ACO2: variants seen among roughly 807,000 people sequenced by gnomAD.
ACO2 encodes the protein aconitate hydratase, mitochondrial.
In ACO2, 31 loss-of-function variants were observed where a neutral mutation model predicts 84.5. The observed-to-expected ratio is 0.37, with a 90% CI of 0.28 to 0.50. The LOEUF (loss-of-function observed/expected upper bound fraction) is 0.50, where lower values mean the gene tolerates loss of function less well. Among genes scored for constraint, ACO2 ranks in the 20% least tolerant of loss-of-function variants. The pLI is 0.97. For synonymous variants in ACO2, 414 were observed against 412.7 expected (o/e 1.00, Z -0.04); for missense variants, 685 against 1,029.3 (o/e 0.67, Z 4.58).
Position 41,499,809 on chromosome 22 carries a change from C to G in ACO2, c.120C>G (p.Asn40Lys), listed in dbSNP as rs138241206. ...AKVAMSHFEP[N>K]EYIHYDLLEK... ...TGGCGATGAGCCACTTTGAGCCCAA[C>G]GAGTACATCCATTATGACCTGCTAG... The change falls in exon 2 of 18, where the codon AAC (asparagine) becomes AAG (lysine). Residue 40 changes from asparagine (N) to lysine (K), a missense_variant. By Grantham distance (94) the Asn-to-Lys change is moderately conservative (BLOSUM62 0). Transcript: ENST00000216254. 6.2e-7 allele frequency: 1 copy of G among 1,614,144 alleles called. No homozygotes were observed. Among genetic ancestry groups the G allele is most frequent in the South Asian group, 1.1e-5 (1 of 91,084 alleles).
intron 1 of ACO2, among the ~76,000 whole-genome samples, chr22:41,473,664 T>C (rs2037972580): frequency 6.6e-6 from 1 of 152,056 alleles, no homozygotes; most frequent in South Asian, 2.1e-4. Context: ...GTGGGGAAGA[T>C]AAGGTAGAGA....
intron 1 of ACO2, among the ~76,000 whole-genome samples, chr22:41,493,339 C>T (rs892229281): frequency 6.6e-6 from 1 of 151,954 alleles, no homozygotes; most frequent in Admixed American, 6.6e-5. Context: ...ATTTCTTGCC[C>T]ATGTGTAGAG....
intron 1 of ACO2, among the ~76,000 whole-genome samples, chr22:41,476,747 C>T (rs1282845055): frequency 6.6e-6 from 1 of 151,936 alleles, no homozygotes; most frequent in African/African-American, 2.4e-5. Flanking sequence ...AAAACACACA[C>T]ACTGCAAATA....
chr22:41,474,939 T>C (rs1322556454), intron 1 of ACO2, among the ~76,000 whole-genome samples: 1 of 151,976 alleles, frequency 6.6e-6, no homozygotes, highest in Admixed American at 6.6e-5. Context: ...CAGAATCTCA[T>C]TGATAAATTT....
In ACO2 at chr22:41,527,933, C is replaced by G; in HGVS notation, c.2119C>G (p.Leu707Val). ...CCTGAAGAAACAGGGCCTGCTGCCTCTGACCTTCGCTGACCCGGCTGACTA... is the reference window on the plus strand; with the variant it reads ...CCTGAAGAAACAGGGCCTGCTGCCTGTGACCTTCGCTGACCCGGCTGACTA... ...TNLKKQGLLP[L>V]TFADPADYNK... The change falls in exon 17 of 18, where the codon CTG becomes GTG. Residue 707 changes from leucine (L) to valine (V), a missense_variant. Around this residue, in one of 5 missense-constraint regions of ACO2, gnomAD observed 174 missense variants for 236.6 expected, o/e 0.74. Transcript: ENST00000216254. The G allele has an allele frequency of 6.2e-7, 1 of 1,614,226 alleles. No homozygotes were observed. Among genetic ancestry groups the G allele is most frequent in the Non-Finnish European group, 8.5e-7 (1 of 1,180,042 alleles).
Position 41,525,179 on chromosome 22 carries a change from A to C in ACO2, c.1606-14A>C, listed in dbSNP as rs748598283. 1 of 1,612,968 alleles carries C rather than the reference A, an allele frequency of 6.2e-7. No individual in the cohort carries two copies. The highest frequency in any genetic ancestry group is 1.1e-5 in the South Asian group (1 of 91,038). On this transcript the variant is annotated splice_polypyrimidine_tract_variant and intron_variant, in intron 13 of 17. Transcript: ENST00000216254. ...AGGACTCAGCACCCCACGCATCCCC[A>C]TTCCCTGCTGCAGGAGTTTGACCCA...
chr22:41,492,725 A>G (rs1279247102), intron 1 of ACO2, among the ~76,000 whole-genome samples: 1 of 152,134 alleles, frequency 6.6e-6, no homozygotes, highest in Non-Finnish European at 1.5e-5. Flanking sequence ...GTGAGCCGAG[A>G]TCACGCCATT....
rs368909394 is a variant in ACO2, at chr22:41,524,835, C to T, written c.1483-11C>T. On this transcript the variant is annotated splice_polypyrimidine_tract_variant and intron_variant, in intron 12 of 17. Transcript: ENST00000216254. Reference sequence around the variant, plus strand: ...TGGTGCTGACCAACAAACTGGCCACCTCCATTTCAGATTGTCACAGCCCTG... The same window carrying T: ...TGGTGCTGACCAACAAACTGGCCACTTCCATTTCAGATTGTCACAGCCCTG... The T allele has an allele frequency of 4.0e-5, 64 of 1,614,064 alleles. No homozygotes were observed. Among genetic ancestry groups the T allele is most frequent in the Non-Finnish European group, 5.1e-5 (60 of 1,180,050 alleles).
At position 41,516,237 on chromosome 22, in the gene ACO2, C is replaced by G. The variant is rs150047176; in HGVS notation, c.835+320C>G. The stretch of plus-strand genomic sequence containing the variant: ...ATAGCACTAGGCCACCTTGGGTGAT[C>G]TAGACGAATCCAGAGAGGACAGAGG... On this transcript the variant is annotated intron_variant, in intron 6 of 17. Transcript: ENST00000216254. The G allele has an allele frequency of 2.8e-4, 167 of 586,818 alleles. No homozygotes were observed. In the African/African-American group the frequency reaches 2.9e-3, roughly 10 times the overall value. 36.4% of individuals were successfully genotyped at this position (586,818 alleles called of 1,614,324 possible).
intron 1 of ACO2, among the ~76,000 whole-genome samples, chr22:41,477,059 G>T (rs898229224): frequency 6.6e-6 from 1 of 151,518 alleles, no homozygotes; most frequent in Admixed American, 6.6e-5. Context: ...TGAGGCAGGA[G>T]AATCAGGTTC....
intron 1 of ACO2, among the ~76,000 whole-genome samples, chr22:41,474,237 A>G (rs934888054): frequency 6.6e-6 from 1 of 151,518 alleles, no homozygotes. Context: ...GGGTCTTAGT[A>G]ACTGAGGGAT....
chr22:41,515,943 G>A lies in ACO2; in HGVS notation c.835+26G>A. The A allele has an allele frequency of 6.2e-7, 1 of 1,606,552 alleles. No individual in the cohort carries two copies. Among genetic ancestry groups the A allele is most frequent in the Middle Eastern group, 1.7e-4 (1 of 6,054 alleles). On this transcript the variant is annotated intron_variant, in intron 6 of 17. Transcript: ENST00000216254. The surrounding 1 kb of genome is among the most constrained non-coding windows in gnomAD (Gnocchi z 5.8). ...GTGAGGAAGGCGGCCAGGCGACGTG[G>A]CCCCTACCCTGTGCTGGGCCTGATG...
intron 3 of ACO2, among the ~76,000 whole-genome samples, chr22:41,511,279 C>A (rs2066431119): frequency 6.6e-6 from 1 of 152,224 alleles, no homozygotes; most frequent in Non-Finnish European, 1.5e-5. Flanking sequence ...TCAACCAATT[C>A]TTGTGCCTCA....
rs1035008839 is a variant in ACO2, at chr22:41,523,837, A to T, written c.1378A>T (p.Ile460Phe). 1.2e-6 allele frequency: 2 copies of T among 1,612,142 alleles called. No individual in the cohort carries two copies. Among genetic ancestry groups the T allele is most frequent in the Non-Finnish European group, 8.5e-7 (1 of 1,179,948 alleles). Reference sequence around the variant, plus strand: ...ATCCCTCTGACCTGGCAGGAAGGACATCAAGAAGGGGGAGAAGAACACAAT... The same window carrying T: ...ATCCCTCTGACCTGGCAGGAAGGACTTCAAGAAGGGGGAGAAGAACACAAT... Reference protein sequence around the residue: ...PCIGQWDRKDIKKGEKNTIVT... With the variant: ...PCIGQWDRKDFKKGEKNTIVT... Residue 460 changes from isoleucine to phenylalanine, a missense_variant, in exon 12 of 18, where the codon ATC (isoleucine) becomes TTC (phenylalanine). Ile to Phe is a conservative substitution (Grantham distance 21). Coordinates refer to ENST00000216254, the MANE Select transcript of ACO2 (RefSeq NM_001098.3).
chr22:41,518,416 G>A (rs2066492785), intron 7 of ACO2, 65 bp from the exon 8 acceptor site: 7 of 1,283,764 alleles, frequency 5.5e-6, no homozygotes, highest in Non-Finnish European at 7.9e-6. Flanking sequence ...CAGGTGGGTG[G>A]TGAGTGAACT....
chr22:41,480,669 A>AT (rs2038076010), intron 1 of ACO2, among the ~76,000 whole-genome samples: 1 of 152,142 alleles, frequency 6.6e-6, no homozygotes, highest in African/African-American at 2.4e-5. Flanking sequence ...CCTTTCGTAT[A>AT]TATTTTTTGT....
intron 17 of ACO2, chr22:41,528,228 A>T: frequency 1.2e-6 from 1 of 837,444 alleles, no homozygotes; most frequent in Non-Finnish European, 1.8e-6. Flanking sequence ...CACCTCCCCA[A>T]CCTCCCTTTA....
chr22:41,482,068 G>A (rs532899295), intron 1 of ACO2, among the ~76,000 whole-genome samples: 3 of 152,340 alleles, frequency 2.0e-5, no homozygotes, highest in African/African-American at 7.2e-5. Flanking sequence ...TTGCCTAGCC[G>A]TGTGGTGCCT....
intron 1 of ACO2, among the ~76,000 whole-genome samples, chr22:41,486,369 C>G (rs2146090823): frequency 6.6e-6 from 1 of 152,190 alleles, no homozygotes; most frequent in South Asian, 2.1e-4. Context: ...TCTTGGCTCA[C>G]TGCAACCTCT....
Sources: allele counts gnomAD v4.1 joint callset (sites outside exome capture counted in the v4.1 genomes callset), GRCh38; gene constraint gnomAD v4.1.1; regional missense constraint gnomAD v4.1.1; non-coding constraint Gnocchi (gnomAD v3.1); transcripts MANE v1.5; gene names NCBI Gene and HGNC (gene_info 2026-07-23, HGNC 2026-07-21).